The following VDAC2 variants were observed in gnomAD, a reference collection of about 807,000 sequenced individuals.
VDAC2 encodes the protein voltage dependent anion channel 2.
In VDAC2, 6 loss-of-function variants were observed where a neutral mutation model predicts 36.6. The observed-to-expected ratio is 0.16, with a 90% CI of 0.09 to 0.32. The LOEUF is 0.32. VDAC2 is among the 10% of genes least tolerant of loss of function. The probability of loss-of-function intolerance (pLI) is 1.00; values close to 1 mark genes in which losing one functional copy is unlikely to be tolerated. For missense variants in VDAC2, 247 were observed against 346.0 expected (o/e 0.71, Z 2.27); for synonymous variants, 109 against 123.8 (o/e 0.88, Z 0.79).
In VDAC2 at chr10:75,212,317, A is replaced by T; in HGVS notation, c.100+19A>T. On this transcript the variant is annotated intron_variant, in intron 3 of 9. Coordinates refer to ENST00000332211, the MANE Select transcript of VDAC2 (RefSeq NM_001391963.1). ...GGATTTGGTAAGAACCTTATTTTTA[A>T]AACGTTTTAGATAAAGAGTGAAAAT... 6.2e-7 allele frequency: 1 copy of T among 1,603,274 alleles called. No homozygotes were observed.
intron 7 of VDAC2, among the ~76,000 whole-genome samples, chr10:75,221,883 C>T (rs1241951072): frequency 2.0e-5 from 3 of 152,168 alleles, no homozygotes; most frequent in Non-Finnish European, 4.4e-5. Context: ...AAGAAGAAAA[C>T]CTACGTTTCT....
chr10:75,211,802 C>T, intron 2 of VDAC2: 1 of 1,086,484 alleles, frequency 9.2e-7, no homozygotes. Flanking sequence ...TTCCCCTCAG[C>T]GAAGATATTA....
chr10:75,217,930 C>T, intron 4 of VDAC2: 1 of 1,288,738 alleles, frequency 7.8e-7, no homozygotes, highest in Non-Finnish European at 1.0e-6. Flanking sequence ...ATTTTCACAT[C>T]AGCTGTCTTC....
upstream of VDAC2, chr10:75,210,643 T>A (rs2132245840): frequency 6.5e-6 from 1 of 152,736 alleles, no homozygotes; most frequent in Non-Finnish European, 1.5e-5. Context: ...GCCTTCCGGA[T>A]CCCCACCGAC....
intron 8 of VDAC2, among the ~76,000 whole-genome samples, chr10:75,226,449 G>GGGTT (rs1841953831): frequency 8.1e-6 from 1 of 123,120 alleles, no homozygotes; most frequent in Non-Finnish European, 1.6e-5. Flanking sequence ...AGTCTTTTGT[G>GGGTT]GGTTTTTTTT....
chr10:75,214,577 T>C (rs1841538962), intron 4 of VDAC2, among the ~76,000 whole-genome samples: 1 of 151,884 alleles, frequency 6.6e-6, no homozygotes, highest in Admixed American at 6.6e-5. Context: ...TAGACTGGAG[T>C]GCAATGGTGT....
intron 6 of VDAC2, among the ~76,000 whole-genome samples, chr10:75,220,485 C>T (rs1383989454): frequency 5.9e-5 from 9 of 152,198 alleles, no homozygotes; most frequent in Non-Finnish European, 1.3e-4. Context: ...GTTGCACTAA[C>T]TTGGGCAACT....
At chr10:75,217,014 G>A (rs1311547241) in intron 4 of VDAC2, among the ~76,000 whole-genome samples, 1 of 152,100 alleles carries the variant, frequency 6.6e-6, no homozygotes, top group African/African-American at 2.4e-5. Flanking sequence ...CAGCGCTTTG[G>A]GAGGCCAAGG....
intron 5 of VDAC2, 26 bp downstream of exon 5, chr10:75,219,241 A>T (rs1841719080): frequency 6.4e-7 from 1 of 1,555,488 alleles, no homozygotes; most frequent in Non-Finnish European, 8.7e-7. Context: ...TTTTAGTATT[A>T]ATTTTATTAA....
At chr10:75,211,463 G>T in intron 2 of VDAC2, 2 of 1,503,430 alleles carry the variant, frequency 1.3e-6, no homozygotes, top group South Asian at 2.6e-5. Context: ...GTTGTTAATT[G>T]GGGATTCTGC....
chr10:75,220,054 C>T (rs1019908725), intron 6 of VDAC2, among the ~76,000 whole-genome samples: 1 of 151,646 alleles, frequency 6.6e-6, no homozygotes, highest in Non-Finnish European at 1.5e-5. Context: ...TCTTGAACTC[C>T]TGACCTCGTG....
intron 8 of VDAC2, among the ~76,000 whole-genome samples, chr10:75,223,353 T>A (rs574436461): frequency 6.6e-6 from 1 of 152,142 alleles, no homozygotes; most frequent in Non-Finnish European, 1.5e-5. Flanking sequence ...GTTACTTACA[T>A]TGATGTTCTT....
chr10:75,229,571 G>A, intron 8 of VDAC2, 73 bp from the exon 9 acceptor site: 1 of 1,206,446 alleles, frequency 8.3e-7, no homozygotes. Context: ...ATGATTACAT[G>A]ATGGGGAAAC....
rs11543 is a variant in VDAC2, at chr10:75,210,855, G to C, written c.-109G>C. The C allele has an allele frequency of 0.64, 211,776 of 328,884 alleles. 72,903 individuals are homozygous for C. The highest frequency in any genetic ancestry group is 0.96 in the East Asian group (19,846 of 20,598). The allele number at this position is 328,884 out of a possible 1,614,324, so 20.4% of individuals were successfully genotyped here. On this transcript the variant is annotated 5_prime_UTR_variant, in exon 1 of 10. Coordinates refer to ENST00000332211, the MANE Select transcript of VDAC2 (RefSeq NM_001391963.1). ...CCTTCACTTCGCCCTCCAGCTGCTG[G>C]AGCTGCAGCCCGACCGCGAGCGTGC...
intron 8 of VDAC2, among the ~76,000 whole-genome samples, chr10:75,227,254 G>T (rs1350083084): frequency 1.3e-5 from 2 of 152,190 alleles, no homozygotes; most frequent in Non-Finnish European, 2.9e-5. Context: ...AACCCCAGGG[G>T]GTTGTGGGAA....
rs553091742 is a variant in VDAC2, at chr10:75,212,156, G to T, written c.32-74G>T. ...TTGCTTGAATTTTAATATCAGCAGT[G>T]GGTCATGCTCTTGTTCTTGGATAGA... On this transcript the variant is annotated intron_variant, in intron 2 of 9. Coordinates refer to ENST00000332211, the MANE Select transcript of VDAC2 (RefSeq NM_001391963.1). 13 of 1,314,064 alleles carry T rather than the reference G, an allele frequency of 9.9e-6. No homozygotes were observed. In the Admixed American group the frequency reaches 1.7e-4, roughly 17 times the overall value. The allele number at this position is 1,314,064 out of a possible 1,614,324, so 81.4% of individuals were successfully genotyped here.
chr10:75,225,792 GT>G lies in VDAC2; in HGVS notation c.735+3398del, dbSNP rs548410540. 3.0e-3 allele frequency among the ~76,000 whole-genome samples: 460 copies of G among 151,080 alleles called. 1 individual carries two copies. The highest frequency in any genetic ancestry group is 4.8e-3 in the Non-Finnish European group (329 of 67,870). ...TTTTTCTCTTCATAGGACCGAGTAG[GT>G]TTTTTTTGTTTTGTTTTGTTTTGTT... is the stretch of plus-strand genomic sequence containing the variant. On this transcript the variant is annotated intron_variant, in intron 8 of 9. Transcript: ENST00000332211.
intron 4 of VDAC2, chr10:75,218,197 C>T (rs1465839236): frequency 3.1e-6 from 1 of 320,158 alleles, no homozygotes. Flanking sequence ...CACTGTGTCA[C>T]CCATGCTGAG....
In VDAC2 at chr10:75,218,760, C is replaced by CA. The variant is rs60291807; in HGVS notation, c.151-290dup. Among the ~76,000 whole-genome samples, 1,106 of 131,812 alleles carry CA rather than the reference C, an allele frequency of 8.4e-3. 5 individuals are homozygous for CA. The highest frequency in any genetic ancestry group is 8.9e-3 in the South Asian group (37 of 4,180). 86.5% of individuals were successfully genotyped at this position (131,812 alleles called of 152,430 possible). A position where few individuals can be genotyped will look rare whatever the true frequency, so the allele number is the denominator to read the frequency against. On this transcript the variant is annotated intron_variant, in intron 4 of 9. Coordinates refer to ENST00000332211, the MANE Select transcript of VDAC2 (RefSeq NM_001391963.1). ...CTGGCGATAGAGCGGGACTCTGTCT[C>CA]AAAAAAAAAAAAAGGTGTACAGTTT...
Sources: allele counts gnomAD v4.1 joint callset (sites outside exome capture counted in the v4.1 genomes callset), GRCh38; gene constraint gnomAD v4.1.1; transcripts MANE v1.5; gene names NCBI Gene and HGNC (gene_info 2026-07-23, HGNC 2026-07-21).